Variants in CDCA7L observed in about 807,000 individuals in gnomAD.
The protein encoded by CDCA7L is cell division cycle-associated 7-like protein.
Under a neutral mutation model 57.4 loss-of-function variants are expected in CDCA7L, and 44 were observed. The ratio of observed to expected loss-of-function variants is 0.77; its 90% CI spans 0.60 to 0.98. The LOEUF (loss-of-function observed/expected upper bound fraction) is 0.98, where lower values mean the gene tolerates loss of function less well. Ranked by LOEUF, CDCA7L falls within the 50% of genes least tolerant of loss-of-function variation. The pLI is 0.00. For synonymous variants in CDCA7L, 236 were observed against 202.8 expected (o/e 1.16, Z -1.39); for missense variants, 644 against 580.6 (o/e 1.11, Z -1.12).
chr7:21,902,839 A>AGAT, intron 9 of CDCA7L, 139 bp downstream of exon 9: 1 of 723,430 alleles, frequency 1.4e-6, no homozygotes, highest in Non-Finnish European at 2.3e-6. Flanking sequence ...CAATGCAAAC[A>AGAT]GATACAGAAT....
chr7:21,909,301 G>A (rs992341454), intron 3 of CDCA7L, among the ~76,000 whole-genome samples: 3 of 152,158 alleles, frequency 2.0e-5, no homozygotes, highest in African/African-American at 7.2e-5. Flanking sequence ...GTGGTACAGA[G>A]ACAGGTTTAA....
At chr7:21,921,487 A>T (rs1313897376) in intron 1 of CDCA7L, among the ~76,000 whole-genome samples, 1 of 152,158 alleles carries the variant, frequency 6.6e-6, no homozygotes, top group African/African-American at 2.4e-5. Context: ...ATGAATGACC[A>T]GTTCCACAAC....
intron 2 of CDCA7L, among the ~76,000 whole-genome samples, chr7:21,912,700 T>C (rs892018350): frequency 4.6e-5 from 7 of 152,142 alleles, no homozygotes; most frequent in African/African-American, 1.7e-4. Context: ...ACTTGCTCCA[T>C]GAGCAGACAC....
intron 1 of CDCA7L, among the ~76,000 whole-genome samples, chr7:21,922,547 G>A (rs1785684564): frequency 6.6e-6 from 1 of 152,152 alleles, no homozygotes; most frequent in Non-Finnish European, 1.5e-5. Flanking sequence ...AACTTGTTCA[G>A]GGAACATGCA....
intron 4 of CDCA7L, among the ~76,000 whole-genome samples, chr7:21,907,796 T>G (rs938716744): frequency 6.6e-6 from 1 of 152,174 alleles, no homozygotes; most frequent in African/African-American, 2.4e-5. Flanking sequence ...CCTGCTTTAC[T>G]CTGCTGGGAA....
At chr7:21,905,140 G>C (rs1785097894) in intron 7 of CDCA7L, among the ~76,000 whole-genome samples, 12 of 152,056 alleles carry the variant, frequency 7.9e-5, no homozygotes, top group Admixed American at 5.2e-4. Context: ...TCCTACCAAA[G>C]ATATTCTGCC....
At chr7:21,923,497 A>G (rs1785729648) in intron 1 of CDCA7L, among the ~76,000 whole-genome samples, 1 of 152,132 alleles carries the variant, frequency 6.6e-6, no homozygotes, top group Non-Finnish European at 1.5e-5. Flanking sequence ...CCTGTCTCTA[A>G]AAGAGAAAAA....
At chr7:21,943,705 C>G (rs1158232107) in intron 1 of CDCA7L, among the ~76,000 whole-genome samples, 1 of 151,632 alleles carries the variant, frequency 6.6e-6, no homozygotes, top group Non-Finnish European at 1.5e-5. Context: ...TTGATTTGCA[C>G]TGCCAATTAG....
chr7:21,915,255 G>C (rs113822618), intron 2 of CDCA7L, among the ~76,000 whole-genome samples: 1,692 of 152,202 alleles, frequency 0.011, 22 homozygotes, highest in African/African-American at 0.039. Flanking sequence ...TCAAGATGGG[G>C]AAAGGGGGAA....
At chr7:21,917,809 G>T (rs912288878) in intron 1 of CDCA7L, among the ~76,000 whole-genome samples, 1 of 152,130 alleles carries the variant, frequency 6.6e-6, no homozygotes, top group African/African-American at 2.4e-5. Context: ...TGATTGGCCC[G>T]AATATAATTC....
chr7:21,930,095 G>T lies in CDCA7L; in HGVS notation c.25-13201C>A, dbSNP rs151206553. Among the ~76,000 whole-genome samples the T allele has an allele frequency of 4.5e-3, 672 of 148,586 alleles. 6 individuals carry two copies. The highest frequency in any genetic ancestry group is 0.043 in the East Asian group (214 of 4,982). ...AAAACACTCCTCAGCAAATGCAAAA[G>T]AACGGAAATCATAACAAACAGTCTC... On this transcript the variant is annotated intron_variant, in intron 1 of 9. Coordinates refer to ENST00000406877, the MANE Select transcript of CDCA7L (RefSeq NM_018719.5).
At chr7:21,921,906 T>G (rs1372714991) in intron 1 of CDCA7L, among the ~76,000 whole-genome samples, 1 of 152,194 alleles carries the variant, frequency 6.6e-6, no homozygotes, top group Non-Finnish European at 1.5e-5. Flanking sequence ...TTTATTGGAA[T>G]TAACAGTGTG....
intron 8 of CDCA7L, 163 bp downstream of exon 8, chr7:21,903,947 G>T: frequency 1.7e-6 from 1 of 572,610 alleles, no homozygotes; most frequent in Non-Finnish European, 2.8e-6. Context: ...CTTCCAGAAG[G>T]AATCCCTATT....
chr7:21,927,587 G>GA (rs988306411), intron 1 of CDCA7L, among the ~76,000 whole-genome samples: 2 of 152,088 alleles, frequency 1.3e-5, no homozygotes, highest in African/African-American at 4.8e-5. Context: ...AAAACAGAGA[G>GA]AAAAAGAGAC....
intron 1 of CDCA7L, among the ~76,000 whole-genome samples, chr7:21,920,014 C>G (rs1400680222): frequency 6.6e-6 from 1 of 152,114 alleles, no homozygotes; most frequent in African/African-American, 2.4e-5. Context: ...TTTACTGTTT[C>G]ATCAGAACAT....
intron 9 of CDCA7L, 54 bp from the exon 10 acceptor site, chr7:21,902,406 TTCTAGGCTTGAGAGATTC>T: frequency 7.1e-6 from 11 of 1,538,936 alleles, no homozygotes; most frequent in Non-Finnish European, 9.9e-6. Context: ...ACAAATGGCA[TTCTAGGCTTGAGAGATTC>T]CACAATCATC....
At chr7:21,911,588 C>G (rs1461855748) in intron 3 of CDCA7L, 29 bp downstream of exon 3, 5 of 1,595,418 alleles carry the variant, frequency 3.1e-6, no homozygotes, top group Non-Finnish European at 4.3e-6. Context: ...AACGTTACCA[C>G]CCACATCCCT....
At chr7:21,945,755 A>G in intron 1 of CDCA7L, 26 bp downstream of exon 1, 1 of 1,599,744 alleles carries the variant, frequency 6.3e-7, no homozygotes, top group Admixed American at 1.7e-5. Context: ...GTGCGTCCGG[A>G]CGGCGGCGGG....
At chr7:21,910,964 A>C (rs1785301533) in intron 3 of CDCA7L, among the ~76,000 whole-genome samples, 1 of 150,040 alleles carries the variant, frequency 6.7e-6, no homozygotes, top group African/African-American at 2.5e-5. Context: ...GTCATCTAAG[A>C]TAAACTTTTA....
Sources: gnomAD v4.1 joint callset for allele counts (sites outside exome capture counted in the v4.1 genomes callset) on GRCh38, gnomAD v4.1.1 for gene constraint, MANE v1.5 for transcripts, NCBI Gene and HGNC (gene_info 2026-07-23, HGNC 2026-07-21) for gene names.